The following LMNTD1 variants were observed in gnomAD, a reference collection of about 807,000 sequenced individuals.
The protein encoded by LMNTD1 is lamin tail domain-containing protein 1.
LMNTD1 carries 35 observed loss-of-function variants against 50.9 expected under a neutral mutation model. The observed-to-expected ratio is 0.69, with a 90% CI of 0.53 to 0.91. LMNTD1 has a LOEUF of 0.91. Among genes scored for constraint, LMNTD1 ranks in the 40% least tolerant of loss-of-function variants. The pLI, the probability that LMNTD1 is intolerant of heterozygous loss-of-function variation, is 0.00. For synonymous variants in LMNTD1, 153 were observed against 161.9 expected (o/e 0.94, Z 0.42); for missense variants, 470 against 475.5 (o/e 0.99, Z 0.11).
intron 1 of LMNTD1, among the ~76,000 whole-genome samples, chr12:25,606,559 C>G (rs1946109639): frequency 6.6e-6 from 1 of 152,164 alleles, no homozygotes; most frequent in Non-Finnish European, 1.5e-5. Flanking sequence ...TGAATTTTGT[C>G]ACAGGCCTTT....
chr12:25,597,448 G>A (rs1426392003), intron 1 of LMNTD1, among the ~76,000 whole-genome samples: 1 of 152,100 alleles, frequency 6.6e-6, no homozygotes, highest in African/African-American at 2.4e-5. Context: ...AATTCAGCAA[G>A]TGGTTATAAC....
intron 6 of LMNTD1, among the ~76,000 whole-genome samples, chr12:25,524,901 TAAC>T (rs904497896): frequency 2.6e-5 from 4 of 152,348 alleles, no homozygotes; most frequent in Admixed American, 1.3e-4. Context: ...TCTCCTCATC[TAAC>T]AACAACTGTT....
intron 1 of LMNTD1, among the ~76,000 whole-genome samples, chr12:25,606,745 T>C (rs1270553252): frequency 6.6e-6 from 1 of 152,242 alleles, no homozygotes; most frequent in African/African-American, 2.4e-5. Context: ...AGTATTTTAT[T>C]GAGGATTTTT....
chr12:25,536,801 T>G (rs1288142814), intron 4 of LMNTD1, among the ~76,000 whole-genome samples: 1 of 152,254 alleles, frequency 6.6e-6, no homozygotes, highest in Non-Finnish European at 1.5e-5. Flanking sequence ...ATTTCTGCAT[T>G]TCCATCTGAG....
At chr12:25,593,592 C>T (rs1209365911) in intron 1 of LMNTD1, among the ~76,000 whole-genome samples, 3 of 152,068 alleles carry the variant, frequency 2.0e-5, no homozygotes, top group Non-Finnish European at 4.4e-5. Context: ...AAGACACAGC[C>T]TACCCAAATG....
At chr12:25,558,614 T>A (rs1290750638) in intron 1 of LMNTD1, among the ~76,000 whole-genome samples, 1 of 152,234 alleles carries the variant, frequency 6.6e-6, no homozygotes, top group Non-Finnish European at 1.5e-5. Flanking sequence ...CACTGGGTAA[T>A]TTATAAAGAA....
chr12:25,558,348 C>A (rs1842207), intron 1 of LMNTD1, among the ~76,000 whole-genome samples: 23,522 of 152,098 alleles, frequency 0.15, 2,792 homozygotes, highest in East Asian at 0.68. Context: ...TCTAGTTCTT[C>A]AGATGCATCA....
intron 8 of LMNTD1, among the ~76,000 whole-genome samples, chr12:25,507,430 A>C (rs1453503413): frequency 1.3e-5 from 2 of 152,208 alleles, no homozygotes; most frequent in Non-Finnish European, 2.9e-5. Context: ...TGGTAGCTTA[A>C]TTCTATGGGC....
chr12:25,556,118 A>T (rs2136280196), upstream of LMNTD1, among the ~76,000 whole-genome samples: 1 of 152,088 alleles, frequency 6.6e-6, no homozygotes, highest in South Asian at 2.1e-4. Context: ...GACTACAGGC[A>T]TGTGCCACCA....
In LMNTD1 at chr12:25,565,885, G is replaced by T. The variant is rs553077227; in HGVS notation, c.59-19331C>A. Among the ~76,000 whole-genome samples the T allele has an allele frequency of 7.9e-5, 12 of 152,156 alleles. No individual in the cohort carries two copies. The East Asian group carries it at 2.3e-3, about 29-fold the overall frequency. On this transcript the variant is annotated intron_variant, in intron 1 of 7. Coordinates refer to the LMNTD1 transcript ENST00000445693. ...CTATTCTAGTGTAAACGTTTTTGTT[G>T]TTTTTCTCTTCAGCACTTTAAATAT...
At chr12:25,515,783 G>A (rs115344001) in intron 8 of LMNTD1, among the ~76,000 whole-genome samples, 161 of 152,174 alleles carry the variant, frequency 1.1e-3, no homozygotes, top group African/African-American at 3.5e-3. Context: ...ATATTTGAGA[G>A]ACACAGTTTA....
In LMNTD1 at chr12:25,546,362, TA is replaced by T; in HGVS notation, c.491+11del. The T allele has an allele frequency of 6.5e-7, 1 of 1,542,474 alleles. No homozygotes were observed. Among genetic ancestry groups the T allele is most frequent in the Non-Finnish European group, 8.8e-7 (1 of 1,138,380 alleles). Reference sequence around the variant, plus strand: ...GACAGAAGATACTAAGTAGTTCAAATAAAATATGTACCTGGAGGTAAATTGG... The same window carrying T: ...GACAGAAGATACTAAGTAGTTCAAATAAATATGTACCTGGAGGTAAATTGG... On this transcript the variant is annotated intron_variant, in intron 4 of 9. Coordinates refer to ENST00000458174, the MANE Select transcript of LMNTD1 (RefSeq NM_001145728.2).
chr12:25,634,834 A>C (rs1946793391), intron 1 of LMNTD1, among the ~76,000 whole-genome samples: 1 of 152,226 alleles, frequency 6.6e-6, no homozygotes, highest in Non-Finnish European at 1.5e-5. Flanking sequence ...AAGAGAAAAA[A>C]AGAGCATCCA....
intron 8 of LMNTD1, among the ~76,000 whole-genome samples, chr12:25,518,480 T>C (rs1453069797): frequency 9.6e-6 from 1 of 103,824 alleles, no homozygotes; most frequent in Non-Finnish European, 2.2e-5. Flanking sequence ...TGCTGCCTGA[T>C]GAAAAAACAA....
chr12:25,578,224 T>C (rs1471705911), intron 1 of LMNTD1, among the ~76,000 whole-genome samples: 3 of 152,076 alleles, frequency 2.0e-5, no homozygotes, highest in Non-Finnish European at 4.4e-5. Context: ...ATCCCTAAAA[T>C]ATAGCATTTA....
chr12:25,501,777 A>T (rs1469768840), intron 9 of LMNTD1, among the ~76,000 whole-genome samples: 1 of 151,602 alleles, frequency 6.6e-6, no homozygotes, highest in East Asian at 1.9e-4. Flanking sequence ...AACCAAACAA[A>T]CAATTGCCTC....
At chr12:25,490,796 T>C (rs1044185885) in intron 9 of LMNTD1, among the ~76,000 whole-genome samples, 3 of 152,224 alleles carry the variant, frequency 2.0e-5, no homozygotes, top group Admixed American at 2.0e-4. Flanking sequence ...CTAAATCTGA[T>C]GTGCACACTA....
chr12:25,559,782 TTC>T (rs1224639955), intron 1 of LMNTD1, among the ~76,000 whole-genome samples: 3 of 152,230 alleles, frequency 2.0e-5, no homozygotes, highest in Non-Finnish European at 4.4e-5. Context: ...TGATTTGCAT[TTC>T]TCTGATGGCC....
At chr12:25,498,260 A>T (rs1939176269) in intron 9 of LMNTD1, among the ~76,000 whole-genome samples, 3 of 152,278 alleles carry the variant, frequency 2.0e-5, no homozygotes, top group Middle Eastern at 3.4e-3. Context: ...GCTCCATTAC[A>T]TTATTTAATT....
Sources: allele counts gnomAD v4.1 joint callset (sites outside exome capture counted in the v4.1 genomes callset), GRCh38; gene constraint gnomAD v4.1.1; transcripts MANE v1.5; gene names NCBI Gene and HGNC (gene_info 2026-07-23, HGNC 2026-07-21).